NSD1: variants seen among roughly 807,000 people sequenced by gnomAD.
The protein encoded by NSD1 is histone-lysine N-methyltransferase, H3 lysine-36 specific.
Under a neutral mutation model 242.7 loss-of-function variants are expected in NSD1, and 26 were observed. The ratio of observed to expected loss-of-function variants is 0.11; its 90% CI spans 0.08 to 0.15. The LOEUF (loss-of-function observed/expected upper bound fraction) is 0.15, where lower values mean the gene tolerates loss of function less well. NSD1 is among the 10% of genes least tolerant of loss of function. The pLI is 1.00. For missense variants in NSD1, 2,495 were observed against 3,272.8 expected (o/e 0.76, Z 5.80); for synonymous variants, 1,106 against 1,178.1 (o/e 0.94, Z 1.25).
rs977216217 is a variant in NSD1 at position 177,296,387 on chromosome 5, C to T, written c.*928C>T. On this transcript the variant is annotated 3_prime_UTR_variant, in exon 23 of 23. Coordinates refer to ENST00000439151, the MANE Select transcript of NSD1 (RefSeq NM_022455.5). Reference sequence around the variant, plus strand: ...CCTATTTTTCTCTTTGTACATGAATCCACCCCATCCCTATTTCCCTAAAAC... The same window carrying T: ...CCTATTTTTCTCTTTGTACATGAATTCACCCCATCCCTATTTCCCTAAAAC... 2 of 233,228 alleles carry T rather than the reference C, an allele frequency of 8.6e-6. No individual in the cohort carries two copies. Among genetic ancestry groups the T allele is most frequent in the African/African-American group, 4.4e-5 (2 of 45,326 alleles). 14.4% of individuals were successfully genotyped at this position (233,228 alleles called of 1,614,324 possible).
intron 5 of NSD1, among the ~76,000 whole-genome samples, chr5:177,218,993 T>C (rs1350866254): frequency 2.0e-5 from 3 of 152,076 alleles, no homozygotes; most frequent in Non-Finnish European, 4.4e-5. Flanking sequence ...AAGATGTTGC[T>C]CTGTAGTTTA....
chr5:177,234,065 C>T (rs1054733373), intron 5 of NSD1, among the ~76,000 whole-genome samples: 1 of 152,168 alleles, frequency 6.6e-6, no homozygotes, highest in East Asian at 1.9e-4. Context: ...TGACCTTCAG[C>T]TGTGTTCACT....
chr5:177,170,876 C>A (rs1031489938), intron 2 of NSD1, among the ~76,000 whole-genome samples: 5 of 151,872 alleles, frequency 3.3e-5, no homozygotes, highest in African/African-American at 1.2e-4. Context: ...TTTGAATTTG[C>A]CTGTTTTATT....
At chr5:177,138,097 ACAAAC>A (rs1756496204) in intron 2 of NSD1, among the ~76,000 whole-genome samples, 1 of 109,008 alleles carries the variant, frequency 9.2e-6, no homozygotes, top group African/African-American at 3.2e-5. Flanking sequence ...CAACAAAAAA[ACAAAC>A]AAACAAACAA....
chr5:177,158,998 T>TTATATATATATATATGAATTATATA (rs1554173192), intron 2 of NSD1, among the ~76,000 whole-genome samples: 1 of 122,612 alleles, frequency 8.2e-6, no homozygotes, highest in African/African-American at 3.8e-5. Context: ...ATGAATGATT[T>TTATATATATATATATGAATTATATA]TATATATATA....
intron 3 of NSD1, among the ~76,000 whole-genome samples, chr5:177,198,921 C>G (rs1199269460): frequency 6.6e-6 from 1 of 152,244 alleles, no homozygotes; most frequent in Non-Finnish European, 1.5e-5. Context: ...TTTCCACACC[C>G]ATACGTGTTT....
intron 17 of NSD1, among the ~76,000 whole-genome samples, chr5:177,280,342 T>C (rs1758776599): frequency 6.6e-6 from 1 of 152,146 alleles, no homozygotes; most frequent in Admixed American, 6.5e-5. Context: ...TGGTGAAATC[T>C]TGTCTCACTG....
intron 2 of NSD1, among the ~76,000 whole-genome samples, chr5:177,151,563 A>G (rs1339199993): frequency 6.7e-6 from 1 of 150,086 alleles, no homozygotes; most frequent in Non-Finnish European, 1.5e-5. Flanking sequence ...TAATTTTTGT[A>G]TTTTTAGTAG....
chr5:177,137,263 A>G, intron 2 of NSD1: 1 of 209,502 alleles, frequency 4.8e-6, no homozygotes, highest in Non-Finnish European at 9.4e-6. Flanking sequence ...CTGCCCAAAC[A>G]CATTGTTTGG....
In NSD1 at chr5:177,210,891, G is replaced by A. The variant is rs765630779; in HGVS notation, c.2492G>A (p.Gly831Glu). The A allele has an allele frequency of 1.2e-6, 2 of 1,614,130 alleles. No homozygotes were observed. The highest frequency in any genetic ancestry group is 1.7e-6 in the Non-Finnish European group (2 of 1,180,028). ...GSPLASISKS[G>E]KVDGLKLLNN... is the part of the protein sequence containing the mutation. ...CCTTTGGCCAGCATTTCTAAAAGTG[G>A]GAAAGTGGATGGTCTAAAACTACTG... The change falls in exon 5 of 23, where the codon GGG becomes GAG. Residue 831 changes from glycine to glutamate, a missense_variant. Transcript: ENST00000439151.
chr5:177,206,663 A>G (rs1762889645), intron 4 of NSD1, among the ~76,000 whole-genome samples: 1 of 152,170 alleles, frequency 6.6e-6, no homozygotes, highest in Admixed American at 6.6e-5. Flanking sequence ...TGTTGTTAGG[A>G]TGAAAGAGGT....
intron 2 of NSD1, among the ~76,000 whole-genome samples, chr5:177,175,379 A>T (rs1470084715): frequency 6.6e-6 from 1 of 151,904 alleles, no homozygotes. Context: ...TAATCTCAGC[A>T]CTCTGTGAGG....
intron 17 of NSD1, among the ~76,000 whole-genome samples, chr5:177,276,461 A>G (rs1758391780): frequency 6.6e-6 from 1 of 151,578 alleles, no homozygotes; most frequent in Admixed American, 6.6e-5. Context: ...AGTAGCTGGG[A>G]CTACAGGCAT....
At chr5:177,180,110 T>G (rs1004730542) in intron 2 of NSD1, among the ~76,000 whole-genome samples, 15 of 151,618 alleles carry the variant, frequency 9.9e-5, no homozygotes, top group African/African-American at 3.6e-4. Context: ...TATTTTTTTT[T>G]TTGAGACAGA....
upstream of NSD1, among the ~76,000 whole-genome samples, chr5:177,133,363 G>A (rs1755997892): frequency 6.6e-6 from 1 of 152,120 alleles, no homozygotes; most frequent in South Asian, 2.1e-4. The surrounding 1 kb of genome is among the most constrained non-coding windows in gnomAD (Gnocchi z 6.2). Flanking sequence ...CGTAGGGTGC[G>A]GGAGCCGTGT....
intron 6 of NSD1, among the ~76,000 whole-genome samples, chr5:177,237,267 C>G (rs1160533272): frequency 6.6e-6 from 1 of 152,066 alleles, no homozygotes; most frequent in Non-Finnish European, 1.5e-5. Flanking sequence ...CTGATAGTCT[C>G]TTTCATTAAT....
chr5:177,293,461 A>G (rs563492366), intron 22 of NSD1, among the ~76,000 whole-genome samples: 1 of 152,240 alleles, frequency 6.6e-6, no homozygotes, highest in South Asian at 2.1e-4. Context: ...TATAGTACAA[A>G]TGGAGATTGC....
intron 6 of NSD1, among the ~76,000 whole-genome samples, chr5:177,236,794 G>A (rs779445557): frequency 2.0e-5 from 3 of 152,202 alleles, no homozygotes; most frequent in Admixed American, 1.3e-4. Context: ...TTGTACATTA[G>A]AGGGTTAAAA....
At chr5:177,290,194 A>ATGGATGGACATAC (rs1759706019) in intron 21 of NSD1, among the ~76,000 whole-genome samples, 2 of 146,038 alleles carry the variant, frequency 1.4e-5, no homozygotes, top group African/African-American at 5.1e-5. Context: ...TTTTTATATA[A>ATGGATGGACATAC]TGGATGGACA....
Sources: allele counts gnomAD v4.1 joint callset (sites outside exome capture counted in the v4.1 genomes callset), GRCh38; gene constraint gnomAD v4.1.1; non-coding constraint Gnocchi (gnomAD v3.1); transcripts MANE v1.5; gene names NCBI Gene and HGNC (gene_info 2026-07-23, HGNC 2026-07-21).